Variants in CLIP2 observed in about 807,000 individuals in gnomAD.
CLIP2 encodes the protein CAP-Gly domain-containing linker protein 2.
CLIP2 carries 41 observed loss-of-function variants against 111.7 expected under a neutral mutation model. That is an observed-to-expected ratio of 0.37 (90% CI 0.29 to 0.48). CLIP2 has a LOEUF of 0.48. Among genes scored for constraint, CLIP2 ranks in the 20% least tolerant of loss-of-function variants. CLIP2 has a pLI of 0.99. For missense variants in CLIP2, 1,160 were observed against 1,422.1 expected (o/e 0.82, Z 2.96); for synonymous variants, 660 against 644.2 (o/e 1.02, Z -0.37).
chr7:74,307,580 T>G (rs1195363312), intron 1 of CLIP2, among the ~76,000 whole-genome samples: 1 of 152,158 alleles, frequency 6.6e-6, no homozygotes, highest in Non-Finnish European at 1.5e-5. Context: ...AACCTCCGCC[T>G]CCTGGGTTCA....
chr7:74,296,647 G>A (rs1788176734), intron 1 of CLIP2, among the ~76,000 whole-genome samples: 1 of 151,018 alleles, frequency 6.6e-6, no homozygotes, highest in South Asian at 2.1e-4. Flanking sequence ...AAATTAGCCG[G>A]GTGTGGTGGT....
chr7:74,372,415 G>C lies in CLIP2; in HGVS notation c.1381-517G>C, dbSNP rs1483853867. Among the ~76,000 whole-genome samples, 3 of 119,062 alleles carry C rather than the reference G, an allele frequency of 2.5e-5. 1 individual carries two copies. Among genetic ancestry groups the C allele is most frequent in the Admixed American group, 8.7e-5 (1 of 11,556 alleles). 78.1% of individuals were successfully genotyped at this position (119,062 alleles called of 152,430 possible). A position where few individuals can be genotyped will look rare whatever the true frequency, so the allele number is the denominator to read the frequency against. On this transcript the variant is annotated intron_variant, in intron 8 of 16. Coordinates refer to ENST00000223398, the MANE Select transcript of CLIP2 (RefSeq NM_003388.5). ...TAGCACAGGCCTTGGGGGGGGGGGG[G>C]AGTCGAGCGGGAATCCCGGGGTCCT...
intron 6 of CLIP2, among the ~76,000 whole-genome samples, chr7:74,359,643 CTG>C (rs1790268439): frequency 1.3e-5 from 2 of 152,212 alleles, no homozygotes; most frequent in Non-Finnish European, 2.9e-5. Context: ...GCAGGAGCCA[CTG>C]CACCCGGCCC....
intron 9 of CLIP2, among the ~76,000 whole-genome samples, 175 bp from the exon 10 acceptor site, chr7:74,375,712 C>T (rs552169033): frequency 7.9e-5 from 12 of 152,052 alleles, no homozygotes; most frequent in Non-Finnish European, 1.3e-4. Flanking sequence ...GGCCAGGCCT[C>T]TACATCCAGC....
At chr7:74,383,995 C>G (rs1405537889) in intron 11 of CLIP2, among the ~76,000 whole-genome samples, 1 of 152,122 alleles carries the variant, frequency 6.6e-6, no homozygotes, top group African/African-American at 2.4e-5. Context: ...TCGAGACCAG[C>G]CTGGTCAAAA....
chr7:74,351,101 G>A (rs2116593999), intron 3 of CLIP2, among the ~76,000 whole-genome samples: 1 of 148,142 alleles, frequency 6.8e-6, no homozygotes, highest in Non-Finnish European at 1.5e-5. Context: ...AGGAAGGGAA[G>A]GGAAGGAAGG....
chr7:74,299,743 G>A (rs1788275354), intron 1 of CLIP2, among the ~76,000 whole-genome samples: 1 of 151,876 alleles, frequency 6.6e-6, no homozygotes, highest in Admixed American at 6.6e-5. Flanking sequence ...TTGTTGCCTA[G>A]GCTGGAGTGC....
At chr7:74,340,936 G>T (rs1789642661) in intron 3 of CLIP2, among the ~76,000 whole-genome samples, 1 of 152,060 alleles carries the variant, frequency 6.6e-6, no homozygotes, top group South Asian at 2.1e-4. Flanking sequence ...GGGGGTCTGG[G>T]GACCCAGAGC....
At position 74,308,706 on chromosome 7, in the gene CLIP2, C is replaced by T. The variant is rs561928072; in HGVS notation, c.-67-8774C>T. On this transcript the variant is annotated intron_variant, in intron 1 of 16. Transcript: ENST00000223398. ...TTTTAGTAGAGACAGGGTTTCACCA[C>T]GTTGGCCGGGCTGGTCTCAAACTCC... Among the ~76,000 whole-genome samples, 11 of 151,946 alleles carry T rather than the reference C, an allele frequency of 7.2e-5. No homozygotes were observed. In the South Asian group the frequency reaches 1.3e-3, roughly 17 times the overall value.
chr7:74,372,374 T>A (rs1790650463), intron 8 of CLIP2, among the ~76,000 whole-genome samples: 1 of 117,448 alleles, frequency 8.5e-6, no homozygotes, highest in Admixed American at 1.1e-4. Context: ...TTGCGTGTTA[T>A]GGGTTCTTGC....
At chr7:74,381,564 A>T (rs1554313922) in intron 11 of CLIP2, 1 of 455,298 alleles carries the variant, frequency 2.2e-6, no homozygotes, top group African/African-American at 2.0e-5. Context: ...ACTGTTCTCT[A>T]TTCTTCCCTC....
At chr7:74,317,267 C>A (rs1342103843) in intron 1 of CLIP2, among the ~76,000 whole-genome samples, 7 of 152,080 alleles carry the variant, frequency 4.6e-5, no homozygotes, top group Non-Finnish European at 1.5e-5. Context: ...GTGTGTTTGT[C>A]CTGCCCATGC....
In CLIP2 at chr7:74,348,715, A is replaced by G. The variant is rs181589262; in HGVS notation, c.679-5165A>G. ...TGAGGCAGGAGAATGGCATGAACCC[A>G]GGAGGCGGAGGTTGCAGTGAGCCGA... On this transcript the variant is annotated intron_variant, in intron 3 of 16. Transcript: ENST00000223398. 1.0e-3 allele frequency among the ~76,000 whole-genome samples: 150 copies of G among 149,100 alleles called. 2 individuals carry two copies. The highest frequency in any genetic ancestry group is 4.0e-3 in the Admixed American group (58 of 14,672).
chr7:74,369,578 T>C (rs1467398725), intron 8 of CLIP2, among the ~76,000 whole-genome samples: 1 of 151,482 alleles, frequency 6.6e-6, no homozygotes, highest in East Asian at 2.0e-4. Flanking sequence ...AAAATATGGC[T>C]GGGTGCGGTG....
intron 2 of CLIP2, among the ~76,000 whole-genome samples, chr7:74,337,441 AC>A (rs1387419366): frequency 6.6e-6 from 1 of 151,450 alleles, no homozygotes; most frequent in African/African-American, 2.4e-5. Flanking sequence ...CTTGCACAAC[AC>A]CTAGGTCCCA....
chr7:74,372,413 G>T (rs1428221515), intron 8 of CLIP2, among the ~76,000 whole-genome samples: 2 of 144,466 alleles, frequency 1.4e-5, no homozygotes, highest in East Asian at 2.1e-4. Context: ...GGGGGGGGGG[G>T]GGAGTCGAGC....
chr7:74,308,276 CAG>C (rs1328682104), intron 1 of CLIP2, among the ~76,000 whole-genome samples: 2 of 152,122 alleles, frequency 1.3e-5, no homozygotes, highest in Non-Finnish European at 2.9e-5. Context: ...CCTCCAGTGC[CAG>C]GGACAGGGTT....
At chr7:74,346,718 C>CAAAAAAAA (rs1214324954) in intron 3 of CLIP2, among the ~76,000 whole-genome samples, 29 of 55,984 alleles carry the variant, frequency 5.2e-4, no homozygotes, top group African/African-American at 8.1e-4. Context: ...GTAAGATTCT[C>CAAAAAAAA]AAAAAAAAAA....
rs983062204 is a variant in CLIP2, at chr7:74,306,576, C to T, written c.-67-10904C>T. Among the ~76,000 whole-genome samples the T allele has an allele frequency of 8.5e-4, 129 of 152,238 alleles. 1 individual carries two copies. The highest frequency in any genetic ancestry group is 1.5e-3 in the East Asian group (8 of 5,174). On this transcript the variant is annotated intron_variant, in intron 1 of 16. Coordinates refer to ENST00000223398, the MANE Select transcript of CLIP2 (RefSeq NM_003388.5). The stretch of plus-strand genomic sequence containing the variant: ...GCCGGGGCCCTGATTGGCAGAGTTC[C>T]GAGGCTGCAGCCCGCCACCCCCGGG...
Sources: gnomAD v4.1 joint callset for allele counts (sites outside exome capture counted in the v4.1 genomes callset) on GRCh38, gnomAD v4.1.1 for gene constraint, MANE v1.5 for transcripts, NCBI Gene and HGNC (gene_info 2026-07-23, HGNC 2026-07-21) for gene names.